FNDC3B: variants seen among roughly 807,000 people sequenced by gnomAD.
The protein encoded by FNDC3B is fibronectin type III domain containing 3B.
In FNDC3B, 12 loss-of-function variants were observed where a neutral mutation model predicts 151.5. The ratio of observed to expected loss-of-function variants is 0.08; its 90% CI spans 0.05 to 0.13. The LOEUF is 0.13. FNDC3B is among the 10% of genes least tolerant of loss of function. FNDC3B has a pLI of 1.00. For synonymous variants in FNDC3B, 528 were observed against 549.0 expected (o/e 0.96, Z 0.54); for missense variants, 1,214 against 1,505.3 (o/e 0.81, Z 3.20).
At chr3:172,390,942 G>A (rs1410215062) in intron 25 of FNDC3B, among the ~76,000 whole-genome samples, 1 of 152,166 alleles carries the variant, frequency 6.6e-6, no homozygotes, top group Non-Finnish European at 1.5e-5. Flanking sequence ...CAGAGAGTTA[G>A]CAGCGAGCTA....
At chr3:172,092,407 T>C (rs1179315683) in intron 1 of FNDC3B, among the ~76,000 whole-genome samples, 2 of 152,176 alleles carry the variant, frequency 1.3e-5, no homozygotes, top group Non-Finnish European at 2.9e-5. Context: ...TCCCCACACA[T>C]TATTAAGTGG....
chr3:172,274,115 A>G (rs1729329410), intron 6 of FNDC3B, among the ~76,000 whole-genome samples: 1 of 152,192 alleles, frequency 6.6e-6, no homozygotes, highest in African/African-American at 2.4e-5. Context: ...ATGCTTTGGC[A>G]TGAAGTAATC....
At chr3:172,316,336 G>A (rs1731788395) in intron 11 of FNDC3B, 22 of 445,562 alleles carry the variant, frequency 4.9e-5, no homozygotes, top group South Asian at 3.5e-4. Context: ...CTATCTAGCA[G>A]AGGTGGGAGT....
intron 3 of FNDC3B, among the ~76,000 whole-genome samples, chr3:172,208,555 C>T (rs899037300): frequency 3.9e-5 from 6 of 152,072 alleles, no homozygotes; most frequent in East Asian, 1.9e-4. Flanking sequence ...TGTTGGAGTA[C>T]ATGTGATATT....
At chr3:172,294,730 A>C (rs541070272) in intron 7 of FNDC3B, among the ~76,000 whole-genome samples, 1 of 152,254 alleles carries the variant, frequency 6.6e-6, no homozygotes, top group Non-Finnish European at 1.5e-5. Context: ...TTTGTAAAAC[A>C]TGCCTCAGAG....
At chr3:172,183,210 A>C (rs1056052100) in intron 3 of FNDC3B, among the ~76,000 whole-genome samples, 2 of 152,220 alleles carry the variant, frequency 1.3e-5, no homozygotes, top group Non-Finnish European at 2.9e-5. Context: ...TGATTTAAAA[A>C]CACAATTGGT....
chr3:172,359,264 A>G (rs978459853), intron 22 of FNDC3B, among the ~76,000 whole-genome samples: 1 of 151,912 alleles, frequency 6.6e-6, no homozygotes, highest in Non-Finnish European at 1.5e-5. Flanking sequence ...ATCTCTTAGC[A>G]TTTTTTTTCT....
chr3:172,046,452 G>A (rs919278258), intron 1 of FNDC3B, among the ~76,000 whole-genome samples: 1 of 151,638 alleles, frequency 6.6e-6, no homozygotes, highest in Non-Finnish European at 1.5e-5. Flanking sequence ...GCTATAGCTA[G>A]GACTATAGGT....
chr3:172,133,643 A>C (rs1400148186), intron 3 of FNDC3B, 97 bp downstream of exon 3: 2 of 872,424 alleles, frequency 2.3e-6, no homozygotes, highest in African/African-American at 3.3e-5. Flanking sequence ...AATTTTCTAG[A>C]AGTAAAGTAT....
chr3:172,379,606 C>G (rs1407778136), intron 24 of FNDC3B, among the ~76,000 whole-genome samples: 2 of 151,924 alleles, frequency 1.3e-5, no homozygotes, highest in Non-Finnish European at 2.9e-5. Context: ...TGTGCATACA[C>G]ATGCACGGCC....
chr3:172,361,853 G>T (rs79625069), intron 22 of FNDC3B, among the ~76,000 whole-genome samples: 3 of 151,974 alleles, frequency 2.0e-5, no homozygotes, highest in Non-Finnish European at 4.4e-5. Flanking sequence ...TTATTTTTTT[G>T]TAGAGATGGA....
chr3:172,396,527 A>G (rs1239924991), intron 25 of FNDC3B, among the ~76,000 whole-genome samples: 1 of 152,172 alleles, frequency 6.6e-6, no homozygotes, highest in Non-Finnish European at 1.5e-5. Context: ...AGTCTAAATC[A>G]GGGGTCCCCA....
At chr3:172,231,115 A>G (rs1726866435) in intron 4 of FNDC3B, among the ~76,000 whole-genome samples, 2 of 152,268 alleles carry the variant, frequency 1.3e-5, no homozygotes, top group African/African-American at 4.8e-5. Context: ...ATGGACTATT[A>G]TTCAGCCATA....
chr3:172,132,440 C>T (rs1168374323), intron 2 of FNDC3B, among the ~76,000 whole-genome samples: 1 of 152,160 alleles, frequency 6.6e-6, no homozygotes, highest in African/African-American at 2.4e-5. Flanking sequence ...GAGTCTTGCT[C>T]TGTCACCTAG....
chr3:172,347,430 A>T, intron 21 of FNDC3B, 69 bp downstream of exon 21: 1 of 1,304,530 alleles, frequency 7.7e-7, no homozygotes, highest in Non-Finnish European at 1.0e-6. Context: ...TGGGAAACCC[A>T]CTCAAAGGCT....
intron 23 of FNDC3B, among the ~76,000 whole-genome samples, chr3:172,365,151 A>T (rs1296206244): frequency 6.6e-6 from 1 of 152,212 alleles, no homozygotes; most frequent in Non-Finnish European, 1.5e-5. Flanking sequence ...TGGATACATC[A>T]TAATACTTTT....
intron 1 of FNDC3B, among the ~76,000 whole-genome samples, chr3:172,095,789 A>T (rs1719061959): frequency 1.1e-5 from 1 of 90,410 alleles, no homozygotes; most frequent in African/African-American, 4.5e-5. Context: ...TTTCTTTGTT[A>T]AAAAAACAAA....
At chr3:172,333,657 T>G (rs1011123269) in intron 14 of FNDC3B, among the ~76,000 whole-genome samples, 1 of 152,148 alleles carries the variant, frequency 6.6e-6, no homozygotes, top group South Asian at 2.1e-4. Flanking sequence ...GCTTTAATTT[T>G]AAAACCAACT....
At chr3:172,050,723 G>C (rs1422300866) in intron 1 of FNDC3B, among the ~76,000 whole-genome samples, 1 of 150,144 alleles carries the variant, frequency 6.7e-6, no homozygotes, top group Non-Finnish European at 1.5e-5. Flanking sequence ...GTGTGTGTGT[G>C]TGTGTGTGTG....
Sources: gnomAD v4.1 joint callset for allele counts (sites outside exome capture counted in the v4.1 genomes callset) on GRCh38, gnomAD v4.1.1 for gene constraint, MANE v1.5 for transcripts, NCBI Gene and HGNC (gene_info 2026-07-23, HGNC 2026-07-21) for gene names.